Variants in RFFL observed in about 807,000 individuals in gnomAD.
The protein encoded by RFFL is E3 ubiquitin-protein ligase rififylin.
Under a neutral mutation model 40.4 loss-of-function variants are expected in RFFL, and 16 were observed. The observed-to-expected ratio is 0.40, with a 90% CI of 0.27 to 0.60. The LOEUF (loss-of-function observed/expected upper bound fraction) is 0.60. RFFL is among the 20% of genes least tolerant of loss of function. The pLI is 0.47. For synonymous variants in RFFL, 154 were observed against 167.9 expected (o/e 0.92, Z 0.64); for missense variants, 367 against 451.7 (o/e 0.81, Z 1.70).
At chr17:35,081,078 T>G (rs1488946190) in intron 1 of RFFL, among the ~76,000 whole-genome samples, 1 of 152,166 alleles carries the variant, frequency 6.6e-6, no homozygotes, top group Non-Finnish European at 1.5e-5. Flanking sequence ...CAAGAAGGTT[T>G]TGCTGTATCT....
chr17:35,014,697 C>G, intron 6 of RFFL, 43 bp downstream of exon 6: 1 of 1,590,402 alleles, frequency 6.3e-7, no homozygotes, highest in Non-Finnish European at 8.6e-7. Context: ...AGGGGAAGGA[C>G]AAAAGGGCCT....
At chr17:35,015,926 C>T (rs1042843562) in intron 5 of RFFL, among the ~76,000 whole-genome samples, 3 of 152,052 alleles carry the variant, frequency 2.0e-5, no homozygotes, top group Middle Eastern at 3.2e-3. Flanking sequence ...AAGGAAGAGC[C>T]CAAGTGCAGA....
At chr17:35,032,419 G>A (rs1167589401) in intron 1 of RFFL, among the ~76,000 whole-genome samples, 2 of 151,978 alleles carry the variant, frequency 1.3e-5, no homozygotes, top group African/African-American at 2.4e-5. Flanking sequence ...GATAGAATGA[G>A]CAGAATGAAC....
intron 1 of RFFL, among the ~76,000 whole-genome samples, chr17:35,086,512 T>C (rs1200051215): frequency 6.6e-6 from 1 of 151,512 alleles, no homozygotes; most frequent in Non-Finnish European, 1.5e-5. Flanking sequence ...ATCTTTACAA[T>C]TGCCAAAATC....
chr17:35,040,023 A>C (rs1473477257), intron 1 of RFFL, among the ~76,000 whole-genome samples: 1 of 152,082 alleles, frequency 6.6e-6, no homozygotes, highest in Non-Finnish European at 1.5e-5. Flanking sequence ...TCTCCAATCT[A>C]GCTTGAGCCA....
intron 1 of RFFL, among the ~76,000 whole-genome samples, chr17:35,088,172 G>T (rs1405339454): frequency 1.3e-5 from 2 of 152,184 alleles, no homozygotes; most frequent in Non-Finnish European, 2.9e-5. Flanking sequence ...AAGGCCACAT[G>T]CACCCCGGGA....
intron 1 of RFFL, among the ~76,000 whole-genome samples, chr17:35,052,072 A>G (rs2142357945): frequency 6.6e-6 from 1 of 152,292 alleles, no homozygotes; most frequent in East Asian, 1.9e-4. Context: ...TTCATCTCTA[A>G]TGTTTTCTCC....
intron 1 of RFFL, among the ~76,000 whole-genome samples, chr17:35,055,707 A>C (rs973078400): frequency 2.0e-5 from 3 of 151,688 alleles, no homozygotes; most frequent in East Asian, 3.9e-4. Flanking sequence ...CAAAAAAAAA[A>C]CATTAATCAG....
chr17:35,051,057 C>T (rs2091229084), intron 1 of RFFL, among the ~76,000 whole-genome samples: 1 of 152,176 alleles, frequency 6.6e-6, no homozygotes, highest in African/African-American at 2.4e-5. Flanking sequence ...TAGCCAAACA[C>T]AGACTGAATC....
At chr17:35,042,128 C>T (rs1233841329) in intron 1 of RFFL, 1 of 152,180 alleles carries the variant, frequency 6.6e-6, no homozygotes, top group African/African-American at 2.4e-5. Flanking sequence ...GGTTTCTTAC[C>T]ACCCAACGCT....
chr17:35,078,195 T>C (rs1444548632), intron 1 of RFFL, among the ~76,000 whole-genome samples: 1 of 152,136 alleles, frequency 6.6e-6, no homozygotes, highest in Non-Finnish European at 1.5e-5. Context: ...TTGATCATAG[T>C]AAAATTTAAG....
In RFFL at chr17:35,014,761, T is replaced by C. The variant is rs751336931; in HGVS notation, c.889A>G (p.Ser297Gly). 5.0e-6 allele frequency: 8 copies of C among 1,613,526 alleles called. No homozygotes were observed. The African/African-American group carries it at 9.3e-5, about 19-fold the overall frequency. ...KDQKGLQHLV[S>G]GAEDQNGGAV... Reference sequence around the variant, plus strand: ...ATACCGTTTTGGTCTTCGGCACCACTGACTGAAAAGGAAAGAGAAGGATGT... The same window carrying C: ...ATACCGTTTTGGTCTTCGGCACCACCGACTGAAAAGGAAAGAGAAGGATGT... Residue 297 changes from serine to glycine, a missense_variant and splice_region_variant, in exon 6 of 7, where the codon AGT (serine) becomes GGT (glycine). By Grantham distance (56) the Ser-to-Gly change is moderately conservative (BLOSUM62 0). Coordinates refer to ENST00000394597, the MANE Select transcript of RFFL (RefSeq NM_001017368.2).
chr17:35,014,705 C>T (rs754048453), intron 6 of RFFL, 35 bp downstream of exon 6: 6 of 1,602,364 alleles, frequency 3.7e-6, no homozygotes, highest in East Asian at 2.2e-5. Flanking sequence ...GACAAAAGGG[C>T]CTAAGCCCAT....
intron 1 of RFFL, among the ~76,000 whole-genome samples, chr17:35,040,391 C>T (rs1437089614): frequency 4.0e-5 from 6 of 151,898 alleles, no homozygotes; most frequent in African/African-American, 1.5e-4. Context: ...CACTTGAGGT[C>T]GGGAGTTCAA....
intron 1 of RFFL, among the ~76,000 whole-genome samples, chr17:35,034,972 A>G (rs956364004): frequency 6.6e-6 from 1 of 152,128 alleles, no homozygotes; most frequent in Non-Finnish European, 1.5e-5. Context: ...GACAGAAGAA[A>G]ACTCTTCTTT....
chr17:35,041,620 G>C (rs1194824910), intron 1 of RFFL, among the ~76,000 whole-genome samples: 1 of 151,308 alleles, frequency 6.6e-6, no homozygotes, highest in African/African-American at 2.4e-5. Context: ...ACACCGAGCT[G>C]GTGTGTGTAA....
In RFFL at chr17:35,021,832, CAGAG is replaced by C; in HGVS notation, c.181-55_181-52del. The stretch of plus-strand genomic sequence containing the variant: ...ACCATGTCAGATTGAGAGAACAAGA[CAGAG>C]AGTGCGATGGGAGCTTCAGAGCTGC... On this transcript the variant is annotated intron_variant, in intron 2 of 6. Transcript: ENST00000394597. 2.5e-6 allele frequency: 4 copies of C among 1,589,374 alleles called. No homozygotes were observed. The South Asian group carries it at 3.3e-5, about 13-fold the overall frequency.
At chr17:35,073,255 TA>T (rs1321335591) in intron 1 of RFFL, among the ~76,000 whole-genome samples, 2 of 152,152 alleles carry the variant, frequency 1.3e-5, no homozygotes, top group African/African-American at 4.8e-5. Flanking sequence ...ACAATATTTT[TA>T]TCGAGCCTCA....
chr17:35,011,233 GAAAC>G lies in RFFL; in HGVS notation c.*731_*734del, dbSNP rs1182179458. Reference sequence around the variant, plus strand: ...ATGCACGCACTATCCCTTGCAGACAGAAACAAATTTCCCAGCAGTTTGGGAGCCT... The same window carrying G: ...ATGCACGCACTATCCCTTGCAGACAGAAATTTCCCAGCAGTTTGGGAGCCT... On this transcript the variant is annotated 3_prime_UTR_variant, in exon 7 of 7. Transcript: ENST00000394597. The G allele has an allele frequency of 4.6e-5, 7 of 152,224 alleles. No homozygotes were observed. The highest frequency in any genetic ancestry group is 8.8e-5 in the Non-Finnish European group (6 of 68,052). The allele number at this position is 152,224 out of a possible 1,614,324, so 9.4% of individuals were successfully genotyped here.
Sources: gnomAD v4.1 joint callset for allele counts (sites outside exome capture counted in the v4.1 genomes callset) on GRCh38, gnomAD v4.1.1 for gene constraint, MANE v1.5 for transcripts, NCBI Gene and HGNC (gene_info 2026-07-23, HGNC 2026-07-21) for gene names.